The following TMEM230 variants were observed in gnomAD, a reference collection of about 807,000 sequenced individuals.
TMEM230 encodes transmembrane protein 230.
A neutral mutation model predicts 15.8 loss-of-function variants in TMEM230; 10 were observed. The ratio of observed to expected loss-of-function variants is 0.63; its 90% CI spans 0.39 to 1.07. The LOEUF (loss-of-function observed/expected upper bound fraction) is 1.07, where lower values mean the gene tolerates loss of function less well. TMEM230 is among the 50% of genes least tolerant of loss of function. The pLI is 0.01. For missense variants in TMEM230, 165 were observed against 193.3 expected, an observed-to-expected ratio of 0.85 and a Z score of 0.87; for synonymous variants, 67 against 76.9, an observed-to-expected ratio of 0.87 and a Z score of 0.68.
At chr20:5,107,559 C>T (rs77351386) in intron 3 of TMEM230, among the ~76,000 whole-genome samples, 2,510 of 152,262 alleles carry the variant, frequency 0.016, 70 homozygotes, top group African/African-American at 0.057. Flanking sequence ...AATGACTTTA[C>T]AGTCATTCAT....
intron 3 of TMEM230, among the ~76,000 whole-genome samples, chr20:5,082,166 C>T (rs1318028454): frequency 5.3e-5 from 8 of 151,548 alleles, no homozygotes; most frequent in South Asian, 2.1e-4. Flanking sequence ...GGAGCCACCA[C>T]GCCCAGCCAT....
chr20:5,104,335 C>T (rs1426911436), intron 4 of TMEM230, among the ~76,000 whole-genome samples: 2 of 152,208 alleles, frequency 1.3e-5, no homozygotes, highest in Admixed American at 1.3e-4. Context: ...GCTGGGACTA[C>T]AGGCGTGAGC....
intron 2 of TMEM230, 89 bp from the exon 2 acceptor site, chr20:5,109,534 C>T: frequency 1.0e-6 from 1 of 1,000,374 alleles, no homozygotes; most frequent in Non-Finnish European, 1.5e-6. Context: ...AGATGCTGTG[C>T]ACTGGAGTTC....
At chr20:5,086,093 T>C (rs1428501484) in intron 3 of TMEM230, among the ~76,000 whole-genome samples, 1 of 152,102 alleles carries the variant, frequency 6.6e-6, no homozygotes, top group Non-Finnish European at 1.5e-5. Context: ...TAGTTCACAA[T>C]GAAAAGGGTT....
At chr20:5,080,408 C>T (rs1472258900) in intron 3 of TMEM230, among the ~76,000 whole-genome samples, 1 of 152,166 alleles carries the variant, frequency 6.6e-6, no homozygotes, top group African/African-American at 2.4e-5. Flanking sequence ...TTAACTGATA[C>T]AATTTAATTT....
intron 3 of TMEM230, among the ~76,000 whole-genome samples, chr20:5,073,479 A>C (rs986544310): frequency 6.6e-6 from 1 of 152,180 alleles, no homozygotes; most frequent in African/African-American, 2.4e-5. Context: ...GTGTGGTCAG[A>C]GCTGCTGGAG....
At chr20:5,088,339 A>T (rs1016935471) in intron 3 of TMEM230, among the ~76,000 whole-genome samples, 3 of 151,552 alleles carry the variant, frequency 2.0e-5, no homozygotes, top group African/African-American at 4.8e-5. Context: ...GGTTTCAAAC[A>T]CAATTAATTC....
At chr20:5,070,359 T>A (rs1425726654) in intron 3 of TMEM230, among the ~76,000 whole-genome samples, 1 of 152,022 alleles carries the variant, frequency 6.6e-6, no homozygotes, top group Non-Finnish European at 1.5e-5. Context: ...ACCTAAGAGA[T>A]CCCACATGAA....
At chr20:5,105,333 T>C (rs2090030346) in intron 4 of TMEM230, among the ~76,000 whole-genome samples, 2 of 151,432 alleles carry the variant, frequency 1.3e-5, no homozygotes, top group Admixed American at 1.3e-4. Flanking sequence ...TATGTATATA[T>C]ATAACTAAAA....
downstream of TMEM230, among the ~76,000 whole-genome samples, chr20:5,063,650 T>C (rs1234990223): frequency 6.6e-6 from 1 of 152,066 alleles, no homozygotes; most frequent in African/African-American, 2.4e-5. Flanking sequence ...TTGAGGGGGA[T>C]CGGAGAACAG....
intron 3 of TMEM230, among the ~76,000 whole-genome samples, chr20:5,080,192 T>C (rs1273417842): frequency 2.0e-5 from 3 of 152,228 alleles, no homozygotes; most frequent in Non-Finnish European, 4.4e-5. Context: ...TAAGCTCTCT[T>C]ATTAGTGCAA....
At position 5,080,655 on chromosome 20, in the gene TMEM230, C is replaced by T. The variant is rs368861527; in HGVS notation, c.223-11306G>A. Among the ~76,000 whole-genome samples the T allele has an allele frequency of 2.7e-4, 41 of 152,158 alleles. 1 individual carries two copies. The South Asian group carries it at 8.1e-3, about 30-fold the overall frequency. On this transcript the variant is annotated intron_variant, in intron 3 of 3. Coordinates refer to the TMEM230 transcript ENST00000612323. ...AATCTCGGCTCACCACAACCTCTGC[C>T]TCCCGGATTCAAGTGATTCTCCCGC...
At chr20:5,094,232 C>T (rs374367800) in intron 3 of TMEM230, among the ~76,000 whole-genome samples, 1 of 150,514 alleles carries the variant, frequency 6.6e-6, no homozygotes, top group Non-Finnish European at 1.5e-5. Flanking sequence ...GCTGGGATTA[C>T]AGGCGTGAGC....
At chr20:5,083,465 T>G (rs1296563029) in intron 3 of TMEM230, among the ~76,000 whole-genome samples, 2 of 152,096 alleles carry the variant, frequency 1.3e-5, no homozygotes, top group African/African-American at 4.8e-5. Context: ...CTGATGGTTT[T>G]TTGGCTTCTA....
exon 4 of TMEM230, chr20:5,068,900 G>A (rs181339006): frequency 3.8e-5 from 12 of 319,280 alleles, no homozygotes; most frequent in African/African-American, 2.2e-4. Flanking sequence ...TGGTATGAAG[G>A]GGACAGGAAT....
downstream of TMEM230, among the ~76,000 whole-genome samples, chr20:5,064,134 G>T (rs1047785711): frequency 6.6e-6 from 1 of 152,046 alleles, no homozygotes; most frequent in Non-Finnish European, 1.5e-5. Context: ...AGGTGTGGTA[G>T]CGCACACCTG....
intron 4 of TMEM230, among the ~76,000 whole-genome samples, chr20:5,104,743 CGTTAT>C (rs1421990344): frequency 6.6e-6 from 1 of 152,110 alleles, no homozygotes; most frequent in Admixed American, 6.5e-5. Flanking sequence ...AACTGGAGAA[CGTTAT>C]GTTAAGTGAA....
At chr20:5,087,441 A>G (rs2089374775) in intron 3 of TMEM230, among the ~76,000 whole-genome samples, 1 of 151,762 alleles carries the variant, frequency 6.6e-6, no homozygotes, top group South Asian at 2.1e-4. Context: ...GAGAGTGAAG[A>G]GAAGGGCTGG....
chr20:5,104,124 C>T (rs1185050551), intron 4 of TMEM230, among the ~76,000 whole-genome samples: 1 of 152,116 alleles, frequency 6.6e-6, no homozygotes, highest in Non-Finnish European at 1.5e-5. Flanking sequence ...CAAAAGAAGA[C>T]ATACAAATGG....
Sources: gnomAD v4.1 joint callset for allele counts (sites outside exome capture counted in the v4.1 genomes callset) on GRCh38, gnomAD v4.1.1 for gene constraint, MANE v1.5 for transcripts, NCBI Gene and HGNC (gene_info 2026-07-23, HGNC 2026-07-21) for gene names.